The following LRRC2 variants were observed in gnomAD, a reference collection of about 807,000 sequenced individuals.
The protein encoded by LRRC2 is leucine rich repeat containing 2.
Under a neutral mutation model 40.2 loss-of-function variants are expected in LRRC2, and 27 were observed. The observed-to-expected ratio is 0.67, with a 90% CI of 0.49 to 0.93. The LOEUF is 0.93. Among genes scored for constraint, LRRC2 ranks in the 40% least tolerant of loss-of-function variants. The pLI, the probability that LRRC2 is intolerant of heterozygous loss-of-function variation, is 0.00. For missense variants in LRRC2, 402 were observed against 439.6 expected (o/e 0.91, Z 0.76); for synonymous variants, 147 against 158.9 (o/e 0.92, Z 0.56).
intron 7 of LRRC2, among the ~76,000 whole-genome samples, chr3:46,526,709 A>C (rs1461594984): frequency 6.6e-6 from 1 of 152,236 alleles, no homozygotes; most frequent in African/African-American, 2.4e-5. Flanking sequence ...AGTCCTGGGG[A>C]AATATTCTCG....
intron 3 of LRRC2, among the ~76,000 whole-genome samples, chr3:46,540,699 G>A (rs1704367985): frequency 6.6e-6 from 1 of 152,158 alleles, no homozygotes. Flanking sequence ...TCAAGATGGT[G>A]AGCACAGAGC....
At position 46,545,077 on chromosome 3, in the gene LRRC2, A is replaced by G. The variant is rs1162490898; in HGVS notation, c.302T>C (p.Phe101Ser). The G allele has an allele frequency of 6.2e-7, 1 of 1,613,136 alleles. No homozygotes were observed. Among genetic ancestry groups the G allele is most frequent in the African/African-American group, 1.3e-5 (1 of 74,884 alleles). Residue 101 changes from phenylalanine to serine, a missense_variant, in exon 3 of 9, where the codon TTT becomes TCT. Physicochemically the swap from Phe to Ser is radical, Grantham distance 155. Transcript: ENST00000395905. ...PKDRGKRSSA[F>S]VFELSGEHWT... ...GTGCTCCCCAGAAAGTTCAAACACA[A>G]ACGCACTGCTCCGTTTGCCTCTGTC...
In LRRC2 at chr3:46,532,938, G is replaced by A. The variant is rs1439137187; in HGVS notation, c.491-29C>T. 3.1e-6 allele frequency: 5 copies of A among 1,608,402 alleles called. No homozygotes were observed. In the African/African-American group the frequency reaches 4.0e-5, roughly 13 times the overall value. ...TCAGCAGAAAAAGTTAACATCCATTGAATAGGTCGTTTAAGGTCTTTTAAG... is the reference window on the plus strand; with the variant it reads ...TCAGCAGAAAAAGTTAACATCCATTAAATAGGTCGTTTAAGGTCTTTTAAG... On this transcript the variant is annotated intron_variant, in intron 4 of 8. Coordinates refer to ENST00000395905, the MANE Select transcript of LRRC2 (RefSeq NM_024512.5).
chr3:46,527,382 T>TA lies in LRRC2; in HGVS notation c.929+43dup, dbSNP rs773009710. The TA allele has an allele frequency of 5.0e-6, 8 of 1,608,454 alleles. No individual in the cohort carries two copies. The Admixed American group carries it at 6.7e-5, about 13-fold the overall frequency. On this transcript the variant is annotated intron_variant, in intron 7 of 8. Coordinates refer to ENST00000395905, the MANE Select transcript of LRRC2 (RefSeq NM_024512.5). The stretch of plus-strand genomic sequence containing the variant: ...CCAGGCTCTGGTACTTCTCACTCCT[T>TA]ACCTGTGTCTGAGTGTGTCTACTGG...
At chr3:46,550,552 C>T (rs960664878) in intron 2 of LRRC2, among the ~76,000 whole-genome samples, 2 of 151,904 alleles carry the variant, frequency 1.3e-5, no homozygotes, top group Non-Finnish European at 2.9e-5. Context: ...CCACCACGCC[C>T]GGCTAATTTT....
Position 46,519,769 on chromosome 3 carries a change from T to C in LRRC2, c.1067-706A>G, listed in dbSNP as rs117532146. Among the ~76,000 whole-genome samples, 5 of 152,356 alleles carry C rather than the reference T, an allele frequency of 3.3e-5. No individual in the cohort carries two copies. In the East Asian group the frequency reaches 5.8e-4, roughly 18 times the overall value. ...ATCCTTCTTGAATCACACAAAGTTG[T>C]AGGCCCTTGTGGGCAGATTAAATCT... is the stretch of plus-strand genomic sequence containing the variant. On this transcript the variant is annotated intron_variant, in intron 8 of 8. Coordinates refer to ENST00000395905, the MANE Select transcript of LRRC2 (RefSeq NM_024512.5).
Position 46,539,028 on chromosome 3 carries a change from C to T in LRRC2, c.490+17G>A. On this transcript the variant is annotated intron_variant, in intron 4 of 8. Transcript: ENST00000395905. ...TAACACACCAGAGGCCCGAAGACCC[C>T]TGCTAAGTTGACATACCGATTTCTG... 6.2e-7 allele frequency: 1 copy of T among 1,612,516 alleles called. No homozygotes were observed. The highest frequency in any genetic ancestry group is 1.3e-5 in the African/African-American group (1 of 74,960).
intron 1 of LRRC2, among the ~76,000 whole-genome samples, chr3:46,561,151 T>C (rs1704929714): frequency 1.3e-5 from 2 of 152,160 alleles, no homozygotes; most frequent in South Asian, 4.2e-4. Context: ...CCGGAGTAGT[T>C]AGCATGTTTC....
intron 4 of LRRC2, among the ~76,000 whole-genome samples, chr3:46,536,466 G>A (rs974789682): frequency 1.3e-5 from 2 of 152,162 alleles, no homozygotes; most frequent in Admixed American, 6.5e-5. Flanking sequence ...TGAAGAAACT[G>A]AAGAGCAGAG....
intron 3 of LRRC2, among the ~76,000 whole-genome samples, chr3:46,540,832 C>T (rs369981958): frequency 1.3e-5 from 2 of 152,208 alleles, no homozygotes; most frequent in South Asian, 2.1e-4. Flanking sequence ...GGAACCCACA[C>T]CACACCAGAG....
intron 1 of LRRC2, among the ~76,000 whole-genome samples, chr3:46,562,940 A>G (rs2018033): frequency 0.43 from 65,106 of 151,814 alleles, 14,487 homozygotes; most frequent in East Asian, 0.78. Flanking sequence ...TGACCAGGCT[A>G]GTCTCAAACT....
chr3:46,532,444 A>C (rs932250474), intron 5 of LRRC2, among the ~76,000 whole-genome samples: 1 of 152,108 alleles, frequency 6.6e-6, no homozygotes, highest in Non-Finnish European at 1.5e-5. Flanking sequence ...ACCTCTACTA[A>C]AAATACAAAA....
chr3:46,544,690 G>T (rs1222704252), intron 3 of LRRC2, among the ~76,000 whole-genome samples: 1 of 152,210 alleles, frequency 6.6e-6, no homozygotes, highest in African/African-American at 2.4e-5. Flanking sequence ...TCGGCACTTC[G>T]GCAAGTAAGT....
At position 46,545,240 on chromosome 3, in the gene LRRC2, A is replaced by G. The variant is rs1334954137; in HGVS notation, c.139T>C (p.Trp47Arg). 1 of 1,613,404 alleles carries G rather than the reference A, an allele frequency of 6.2e-7. No homozygotes were observed. The highest frequency in any genetic ancestry group is 8.5e-7 in the Non-Finnish European group (1 of 1,179,878). ...KSALEKIKEE[W>R]NFVAECRRKG... ...CTCCTGCATTCGGCCACAAAGTTCC[A>G]CTCCTCCTTTATCCTAAAACAGGCA... Residue 47 changes from tryptophan to arginine, a missense_variant, in exon 3 of 9, where the codon TGG becomes CGG. Trp to Arg is a moderately radical substitution (Grantham distance 101, BLOSUM62 -3). Coordinates refer to ENST00000395905, the MANE Select transcript of LRRC2 (RefSeq NM_024512.5).
chr3:46,558,447 T>C (rs2280410), intron 1 of LRRC2: 7,398 of 152,288 alleles, frequency 0.049, 274 homozygotes, highest in South Asian at 0.15. Context: ...TCAGTCTTCG[T>C]GGTGCTATTC....
intron 1 of LRRC2, among the ~76,000 whole-genome samples, chr3:46,561,865 A>AC (rs1704952075): frequency 6.6e-6 from 1 of 152,034 alleles, no homozygotes. Context: ...AGAAGAAAAT[A>AC]CCCCAGCTTG....
intron 6 of LRRC2, among the ~76,000 whole-genome samples, chr3:46,527,956 T>C (rs367584030): frequency 6.6e-6 from 1 of 152,144 alleles, no homozygotes; most frequent in East Asian, 1.9e-4. Flanking sequence ...CTTGAACTCC[T>C]GGGCTCAAGC....
intron 3 of LRRC2, among the ~76,000 whole-genome samples, chr3:46,539,817 A>G (rs1368537804): frequency 6.6e-6 from 1 of 152,200 alleles, no homozygotes; most frequent in Non-Finnish European, 1.5e-5. Flanking sequence ...GTTCTGGGAT[A>G]AAACTGTAAA....
chr3:46,539,294 G>T, intron 3 of LRRC2, 93 bp from the exon 4 acceptor site: 1 of 1,246,524 alleles, frequency 8.0e-7, no homozygotes. Flanking sequence ...CAGGAAGTGA[G>T]AAAGCAGACA....
Sources: gnomAD v4.1 joint callset for allele counts (sites outside exome capture counted in the v4.1 genomes callset) on GRCh38, gnomAD v4.1.1 for gene constraint, MANE v1.5 for transcripts, NCBI Gene and HGNC (gene_info 2026-07-23, HGNC 2026-07-21) for gene names.